DGCR6: variants seen among roughly 807,000 people sequenced by gnomAD.
DGCR6 encodes protein DGCR6.
At chr22:18,908,557 A>G (rs1159663720) in intron 2 of DGCR6, 1 of 174,740 alleles carries the variant, frequency 5.7e-6, no homozygotes, top group Non-Finnish European at 1.5e-5. Flanking sequence ...AGATGCATGC[A>G]GTTTACTAAT....
intron 2 of DGCR6, chr22:18,908,666 G>A (rs1411986212): frequency 3.0e-6 from 1 of 328,874 alleles, no homozygotes; most frequent in South Asian, 1.7e-5. Context: ...CCATCATTCT[G>A]TGAGCACTTT....
chr22:18,908,745 A>G (rs2081897256), intron 2 of DGCR6: 2 of 298,042 alleles, frequency 6.7e-6, no homozygotes, highest in South Asian at 1.8e-5. Context: ...CAGTCCTGGA[A>G]TCGGCCATTT....
Position 18,911,068 on chromosome 22 carries a change from CT to C in DGCR6, c.513+41del, listed in dbSNP as rs575984099. On this transcript the variant is annotated intron_variant, in intron 4 of 4. Transcript: ENST00000331444. ...CTGCTCTGTCCTAGCCCGAGTGCCC[CT>C]GGGCCCCATTCCATCTGGGATTTCA... 6.8e-4 allele frequency: 49 copies of C among 71,816 alleles called. 15 individuals carry two copies. Among genetic ancestry groups the C allele is most frequent in the African/African-American group, 3.9e-3 (46 of 11,658 alleles). The allele number at this position is 71,816 out of a possible 1,614,324, so 4.4% of individuals were successfully genotyped here.
At chr22:18,908,762 A>T (rs1305115889) in intron 2 of DGCR6, 1 of 286,312 alleles carries the variant, frequency 3.5e-6, no homozygotes, top group Non-Finnish European at 8.4e-6. Flanking sequence ...ATTTTTCCAC[A>T]GAGTTGTAGT....
intron 2 of DGCR6, chr22:18,908,536 A>G (rs1174507115): frequency 4.6e-5 from 5 of 107,572 alleles, no homozygotes; most frequent in Non-Finnish European, 7.7e-5. Context: ...TAAAAATTTT[A>G]TTGAGCTGTA....
intron 2 of DGCR6, chr22:18,907,141 AG>A (rs2081892156): frequency 9.7e-6 from 1 of 103,398 alleles, no homozygotes; most frequent in African/African-American, 4.3e-5. Context: ...CGCGCCCTTC[AG>A]GGTCAGTTCC....
rs2081898397 is a variant in DGCR6, at chr22:18,909,023, A to G, written c.272-1149A>G. On this transcript the variant is annotated intron_variant, in intron 2 of 4. Coordinates refer to ENST00000331444, the MANE Select transcript of DGCR6 (RefSeq NM_005675.6). ...CTTCTTGCCTTTTGGTTGCATATCT[A>G]GTGGAATCTCGTAGTGGACCTGGCA... is the stretch of plus-strand genomic sequence containing the variant. Among the ~76,000 whole-genome samples, 2 of 104,784 alleles carry G rather than the reference A, an allele frequency of 1.9e-5. 1 individual carries two copies. Among genetic ancestry groups the G allele is most frequent in the Non-Finnish European group, 4.8e-5 (2 of 41,264 alleles). 68.7% of individuals were successfully genotyped at this position (104,784 alleles called of 152,430 possible).
Position 18,909,072 on chromosome 22 carries a change from G to C in DGCR6, c.272-1100G>C, listed in dbSNP as rs1260188559. Reference sequence around the variant, plus strand: ...CACTTGTAGCAATGTTTGATCAGTAGAGTGAAGATGATGACATTTCCCTGC... The same window carrying C: ...CACTTGTAGCAATGTTTGATCAGTACAGTGAAGATGATGACATTTCCCTGC... On this transcript the variant is annotated intron_variant, in intron 2 of 4. Transcript: ENST00000331444. Among the ~76,000 whole-genome samples the C allele has an allele frequency of 2.1e-5, 2 of 95,964 alleles. 1 individual carries two copies. Among genetic ancestry groups the C allele is most frequent in the Non-Finnish European group, 5.2e-5 (2 of 38,486 alleles). The allele number at this position is 95,964 out of a possible 152,430, so 63.0% of individuals were successfully genotyped here. A position where few individuals can be genotyped will look rare whatever the true frequency, so the allele number is the denominator to read the frequency against.
At chr22:18,908,664 C>A (rs1374241077) in intron 2 of DGCR6, 1 of 328,886 alleles carries the variant, frequency 3.0e-6, no homozygotes, top group East Asian at 7.2e-5. Context: ...CCCCATCATT[C>A]TGTGAGCACT....
In DGCR6 at chr22:18,908,733, C is replaced by A. The variant is rs776109319; in HGVS notation, c.272-1439C>A. 58 of 307,298 alleles carry A rather than the reference C, an allele frequency of 1.9e-4. 22 individuals carry two copies. Among genetic ancestry groups the A allele is most frequent in the Non-Finnish European group, 3.9e-4 (51 of 131,750 alleles). 19.0% of individuals were successfully genotyped at this position (307,298 alleles called of 1,614,324 possible). ...TCATCTTTTCTTGTTTTCTCCGTGTCTCAGTCCTGGAATCGGCCATTTTTC... is the reference window on the plus strand; with the variant it reads ...TCATCTTTTCTTGTTTTCTCCGTGTATCAGTCCTGGAATCGGCCATTTTTC... On this transcript the variant is annotated intron_variant, in intron 2 of 4. Transcript: ENST00000331444.
chr22:18,908,653 G>A lies in DGCR6; in HGVS notation c.272-1519G>A, dbSNP rs1044597604. On this transcript the variant is annotated intron_variant, in intron 2 of 4. Coordinates refer to ENST00000331444, the MANE Select transcript of DGCR6 (RefSeq NM_005675.6). ...GGCGCTCCAGGCACCTTTAGATGCC[G>A]CCCCATCATTCTGTGAGCACTTTCT... The A allele has an allele frequency of 3.7e-5, 12 of 327,532 alleles. 2 individuals carry two copies. The highest frequency in any genetic ancestry group is 2.7e-4 in the Admixed American group (9 of 33,872). 20.3% of individuals were successfully genotyped at this position (327,532 alleles called of 1,614,324 possible).
At position 18,909,755 on chromosome 22, in the gene DGCR6, C is replaced by A. The variant is rs180883690; in HGVS notation, c.272-417C>A. Reference sequence around the variant, plus strand: ...CAACCACACACCTGGTAGGCAGAGGCCCCACGCTCAGGGTCAGCGACCCGG... The same window carrying A: ...CAACCACACACCTGGTAGGCAGAGGACCCACGCTCAGGGTCAGCGACCCGG... On this transcript the variant is annotated intron_variant, in intron 2 of 4. Transcript: ENST00000331444. 5.6e-3 allele frequency among the ~76,000 whole-genome samples: 500 copies of A among 88,622 alleles called. 166 individuals carry two copies. The highest frequency in any genetic ancestry group is 0.01 in the Non-Finnish European group (335 of 33,460). The allele number at this position is 88,622 out of a possible 152,430, so 58.1% of individuals were successfully genotyped here. A position where few individuals can be genotyped will look rare whatever the true frequency, so the allele number is the denominator to read the frequency against.
intron 2 of DGCR6, chr22:18,908,749 G>A (rs193044057): frequency 3.4e-6 from 1 of 293,274 alleles, no homozygotes. Context: ...CCTGGAATCG[G>A]CCATTTTTCC....
At chr22:18,908,752 A>C (rs2081897309) in intron 2 of DGCR6, 1 of 290,566 alleles carries the variant, frequency 3.4e-6, no homozygotes, top group Non-Finnish European at 8.2e-6. Flanking sequence ...GGAATCGGCC[A>C]TTTTTCCACA....
chr22:18,910,715 A>G (rs2081905419), intron 3 of DGCR6, among the ~76,000 whole-genome samples, 173 bp from the exon 4 acceptor site: 1 of 35,264 alleles, frequency 2.8e-5, no homozygotes, highest in African/African-American at 4.6e-5. Flanking sequence ...TCCCAAGTCA[A>G]AGCATTCGTG....
In DGCR6 at chr22:18,910,532, C is replaced by T; in HGVS notation, c.372+260C>T. 2 of 86,402 alleles carry T rather than the reference C, an allele frequency of 2.3e-5. 1 individual carries two copies. Among genetic ancestry groups the T allele is most frequent in the Admixed American group, 3.4e-4 (2 of 5,958 alleles). 5.4% of individuals were successfully genotyped at this position (86,402 alleles called of 1,614,324 possible). A position where few individuals can be genotyped will look rare whatever the true frequency, so the allele number is the denominator to read the frequency against. ...TAGTGCCCCTCGTGGGTTGGGGTCT[C>T]CGCAGAGCAGGTGGCCTCGGGGGGT... On this transcript the variant is annotated intron_variant, in intron 3 of 4. Transcript: ENST00000331444.
intron 2 of DGCR6, among the ~76,000 whole-genome samples, chr22:18,909,051 T>C (rs2081898467): frequency 2.0e-5 from 2 of 101,628 alleles, no homozygotes; most frequent in Admixed American, 1.8e-4. Context: ...ACCTGGCACT[T>C]GTAGCAATGT....
In DGCR6 at chr22:18,908,787, T is replaced by A. The variant is rs1388809384; in HGVS notation, c.272-1385T>A. On this transcript the variant is annotated intron_variant, in intron 2 of 4. Transcript: ENST00000331444. Reference sequence around the variant, plus strand: ...AGAGTTGTAGTTCTTTCTAGCAGGATGGGGAGTTTCAGTAACTGCCTGGGC... The same window carrying A: ...AGAGTTGTAGTTCTTTCTAGCAGGAAGGGGAGTTTCAGTAACTGCCTGGGC... The A allele has an allele frequency of 4.1e-5, 10 of 241,464 alleles. 1 individual carries two copies. The East Asian group carries it at 5.9e-4, about 14-fold the overall frequency. The allele number at this position is 241,464 out of a possible 1,614,324, so 15.0% of individuals were successfully genotyped here.
At chr22:18,908,810 G>A in intron 2 of DGCR6, 1 of 168,680 alleles carries the variant, frequency 5.9e-6, no homozygotes, top group South Asian at 2.9e-5. Context: ...TAACTGCCTG[G>A]GCCCAATGCT....
Sources: allele counts gnomAD v4.1 joint callset (sites outside exome capture counted in the v4.1 genomes callset), GRCh38; gene constraint gnomAD v4.1.1; transcripts MANE v1.5; gene names NCBI Gene and HGNC (gene_info 2026-07-23, HGNC 2026-07-21).